The following SULT2B1 variants were observed in gnomAD, a reference collection of about 807,000 sequenced individuals.
The protein encoded by SULT2B1 is sulfotransferase 2B1.
Under a neutral mutation model 33.2 loss-of-function variants are expected in SULT2B1, and 16 were observed. That is an observed-to-expected ratio of 0.48 (90% CI 0.33 to 0.73). The LOEUF (loss-of-function observed/expected upper bound fraction) is 0.73. SULT2B1 is among the 30% of genes least tolerant of loss of function. The probability of loss-of-function intolerance (pLI) is 0.02; values close to 1 mark genes in which losing one functional copy is unlikely to be tolerated. For synonymous variants in SULT2B1, 186 were observed against 200.5 expected (o/e 0.93, Z 0.61); for missense variants, 500 against 506.0 (o/e 0.99, Z 0.11).
intron 1 of SULT2B1, among the ~76,000 whole-genome samples, chr19:48,571,430 C>T (rs894643903): frequency 2.9e-4 from 44 of 151,772 alleles, no homozygotes; most frequent in African/African-American, 1.1e-3. Context: ...CTCCTGACCT[C>T]AGGTGATCCG....
rs922731156 is a variant in SULT2B1, at chr19:48,592,033, C to T, written c.550+298C>T. On this transcript the variant is annotated intron_variant, in intron 4 of 6. Coordinates refer to ENST00000201586, the MANE Select transcript of SULT2B1 (RefSeq NM_177973.2). ...CAGGGGCCCGGCATGGTGGCTCATG[C>T]GTGTAATCCCAGCACTTTGGGAGGC... Among the ~76,000 whole-genome samples the T allele has an allele frequency of 4.6e-5, 7 of 152,018 alleles. No individual in the cohort carries two copies. Among genetic ancestry groups the T allele is most frequent in the African/African-American group, 1.7e-4 (7 of 41,380 alleles).
At chr19:48,592,856 A>AC in intron 5 of SULT2B1, 40 bp downstream of exon 5, 4 of 1,511,952 alleles carry the variant, frequency 2.6e-6, no homozygotes, top group Non-Finnish European at 3.6e-6. Flanking sequence ...TCCCCCCCAT[A>AC]CCCTCTGCTC....
Position 48,587,890 on chromosome 19 carries a change from CAAAAAAAAAAAAAAAA to C in SULT2B1, c.423+471_423+486del, listed in dbSNP as rs67551728. Among the ~76,000 whole-genome samples the C allele has an allele frequency of 7.8e-4, 31 of 39,882 alleles. 1 individual carries two copies. Among genetic ancestry groups the C allele is most frequent in the African/African-American group, 2.2e-3 (21 of 9,456 alleles). The allele number at this position is 39,882 out of a possible 152,430, so 26.2% of individuals were successfully genotyped here. On this transcript the variant is annotated intron_variant, in intron 3 of 6. Transcript: ENST00000201586. ...CCTAGGCAACAGGGCAAGACTGTCTCAAAAAAAAAAAAAAAAAAAAAAAAAAAAAAAAAGCCGGTGC... is the reference window on the plus strand; with the variant it reads ...CCTAGGCAACAGGGCAAGACTGTCTCAAAAAAAAAAAAAAAAAGCCGGTGC...
At chr19:48,555,624 G>GT (rs1265170433) in intron 1 of SULT2B1, among the ~76,000 whole-genome samples, 2 of 148,980 alleles carry the variant, frequency 1.3e-5, no homozygotes, top group African/African-American at 5.0e-5. Flanking sequence ...GCTCACACTG[G>GT]AGTGCAGTGG....
intron 1 of SULT2B1, among the ~76,000 whole-genome samples, chr19:48,561,462 ATAAAT>A (rs141890933): frequency 0.26 from 40,026 of 151,356 alleles, 6,029 homozygotes; most frequent in East Asian, 0.41. Flanking sequence ...GATAAAATAA[ATAAAT>A]TAATTAAGAT....
At chr19:48,581,721 T>C in intron 2 of SULT2B1, among the ~76,000 whole-genome samples, 1 of 151,438 alleles carries the variant, frequency 6.6e-6, no homozygotes. Context: ...CCTCCCAAAG[T>C]GCTGGGATTA....
chr19:48,567,722 C>T (rs1224302762), intron 1 of SULT2B1, among the ~76,000 whole-genome samples: 2 of 152,122 alleles, frequency 1.3e-5, no homozygotes, highest in African/African-American at 4.8e-5. Context: ...GTAACCCCAG[C>T]ACTCTGGGAG....
At chr19:48,569,881 G>T (rs1054776224) in intron 1 of SULT2B1, among the ~76,000 whole-genome samples, 1 of 151,986 alleles carries the variant, frequency 6.6e-6, no homozygotes, top group African/African-American at 2.4e-5. Flanking sequence ...GCCGAGGCTG[G>T]TCTCAAACTC....
rs771091796 is a variant in SULT2B1, at chr19:48,591,674, C to T, written c.489C>T (p.Ala163=). 10 of 1,613,004 alleles carry T rather than the reference C, an allele frequency of 6.2e-6. No homozygotes were observed. The highest frequency in any genetic ancestry group is 1.7e-5 in the Admixed American group (1 of 59,880). Residue 163 remains alanine (A), a synonymous_variant, in exon 4 of 7, where the codon GCC becomes GCT. Coordinates refer to ENST00000201586, the MANE Select transcript of SULT2B1 (RefSeq NM_177973.2). The part of the protein sequence containing the change: ...VVSLYHYSKI[A]GQLKDPGTPD... ...CCCTCTATCATTACTCCAAGATCGC[C>T]GGGCAGTTAAAGGACCCGGGCACAC...
intron 1 of SULT2B1, among the ~76,000 whole-genome samples, chr19:48,557,962 T>C (rs1218701975): frequency 6.6e-6 from 1 of 151,932 alleles, no homozygotes; most frequent in East Asian, 1.9e-4. Flanking sequence ...AATAAAATCG[T>C]AAGAGGAAAA....
At chr19:48,581,110 C>G (rs572908595) in intron 2 of SULT2B1, among the ~76,000 whole-genome samples, 2 of 131,958 alleles carry the variant, frequency 1.5e-5, no homozygotes, top group African/African-American at 5.6e-5. Flanking sequence ...GATCTCAGCT[C>G]ACTGTAACCT....
At chr19:48,574,153 C>G (rs143261593) in intron 1 of SULT2B1, among the ~76,000 whole-genome samples, 11 of 152,208 alleles carry the variant, frequency 7.2e-5, no homozygotes, top group Admixed American at 3.3e-4. Context: ...CAAGCCACTG[C>G]GCCCAGCCCT....
At position 48,598,937 on chromosome 19, in the gene SULT2B1, C is replaced by T. The variant is rs527701923; in HGVS notation, c.827-198C>T. On this transcript the variant is annotated intron_variant, in intron 6 of 6. Coordinates refer to ENST00000201586, the MANE Select transcript of SULT2B1 (RefSeq NM_177973.2). ...GAGGCAGTGAGGGCGGAGGTGAGAA[C>T]GGCGCCAGGTGACAGGCCAAGACTC... is the stretch of plus-strand genomic sequence containing the variant. 3.9e-4 allele frequency among the ~76,000 whole-genome samples: 59 copies of T among 152,086 alleles called. 1 individual carries two copies. In the South Asian group the frequency reaches 0.011, roughly 28 times the overall value.
intron 1 of SULT2B1, among the ~76,000 whole-genome samples, chr19:48,564,921 G>T (rs1973226188): frequency 6.6e-6 from 1 of 151,952 alleles, no homozygotes; most frequent in Non-Finnish European, 1.5e-5. Context: ...CTCCCGAGTA[G>T]CTGGGACTAC....
chr19:48,556,124 A>C (rs760067073), intron 1 of SULT2B1, among the ~76,000 whole-genome samples: 55 of 152,262 alleles, frequency 3.6e-4, no homozygotes, highest in Admixed American at 6.5e-4. Flanking sequence ...GCCTGGGCTG[A>C]CCTCTGCCCT....
intron 1 of SULT2B1, among the ~76,000 whole-genome samples, chr19:48,559,693 A>C (rs1158870427): frequency 6.6e-6 from 1 of 152,216 alleles, no homozygotes; most frequent in African/African-American, 2.4e-5. Context: ...AATAAATGCC[A>C]GGCTGAGAAG....
chr19:48,573,237 G>A (rs977037740), intron 1 of SULT2B1, among the ~76,000 whole-genome samples: 6 of 151,858 alleles, frequency 4.0e-5, no homozygotes, highest in East Asian at 1.9e-4. Flanking sequence ...AGTCATTCCC[G>A]GGGATCACCT....
chr19:48,569,278 C>T (rs1973284932), intron 1 of SULT2B1, among the ~76,000 whole-genome samples: 1 of 148,710 alleles, frequency 6.7e-6, no homozygotes, highest in African/African-American at 2.5e-5. Context: ...GGAGGCGGAG[C>T]TTGCAGTGAG....
chr19:48,570,537 T>C (rs537992186), intron 1 of SULT2B1, among the ~76,000 whole-genome samples: 78 of 152,196 alleles, frequency 5.1e-4, no homozygotes, highest in Non-Finnish European at 8.7e-4. Flanking sequence ...TTTATCCACT[T>C]ACCCATGCAA....
Sources: allele counts gnomAD v4.1 joint callset (sites outside exome capture counted in the v4.1 genomes callset), GRCh38; gene constraint gnomAD v4.1.1; transcripts MANE v1.5; gene names NCBI Gene and HGNC (gene_info 2026-07-23, HGNC 2026-07-21).